The following DIP2B variants were observed in gnomAD, a reference collection of about 807,000 sequenced individuals.
The protein encoded by DIP2B is DIP2 acetate--CoA ligase B (putative).
Under a neutral mutation model 198.0 loss-of-function variants are expected in DIP2B, and 76 were observed. The ratio of observed to expected loss-of-function variants is 0.38; its 90% CI spans 0.32 to 0.46. DIP2B has a LOEUF of 0.46. DIP2B is among the 20% of genes least tolerant of loss of function. DIP2B has a pLI of 0.99. For missense variants in DIP2B, 1,559 were observed against 1,978.4 expected, an observed-to-expected ratio of 0.79 and a Z score of 4.02; for synonymous variants, 701 against 739.1, an observed-to-expected ratio of 0.95 and a Z score of 0.84.
intron 1 of DIP2B, among the ~76,000 whole-genome samples, chr12:50,570,098 T>G (rs1440163203): frequency 6.6e-6 from 1 of 152,222 alleles, no homozygotes; most frequent in African/African-American, 2.4e-5. Flanking sequence ...ATGATTGCTT[T>G]ATCACTTCTG....
chr12:50,733,770 G>A (rs1403360769), intron 32 of DIP2B, among the ~76,000 whole-genome samples: 1 of 152,208 alleles, frequency 6.6e-6, no homozygotes, highest in Non-Finnish European at 1.5e-5. Flanking sequence ...AGCACACATG[G>A]GTGGATTATT....
At chr12:50,647,155 C>T (rs187381718) in intron 3 of DIP2B, among the ~76,000 whole-genome samples, 12 of 152,074 alleles carry the variant, frequency 7.9e-5, no homozygotes, top group Non-Finnish European at 8.8e-5. Flanking sequence ...TGGGCTCAAA[C>T]GATCCTCCCT....
At position 50,704,172 on chromosome 12, in the gene DIP2B, T is replaced by A; in HGVS notation, c.2358T>A (p.Val786=). The change falls in exon 20 of 38, where the codon GTT becomes GTA. Residue 786 remains valine, a synonymous_variant. Coordinates refer to ENST00000301180, the MANE Select transcript of DIP2B (RefSeq NM_173602.3). ...VIPVNSAGSP[V]GDVPFIRSGL... ...CAGTGAATTCTGCAGGCTCTCCTGTTGGGGATGTGCCATTCATCCGATCAG... is the reference window on the plus strand; with the variant it reads ...CAGTGAATTCTGCAGGCTCTCCTGTAGGGGATGTGCCATTCATCCGATCAG... 2 of 1,611,388 alleles carry A rather than the reference T, an allele frequency of 1.2e-6. No homozygotes were observed. Among genetic ancestry groups the A allele is most frequent in the Non-Finnish European group, 1.7e-6 (2 of 1,179,552 alleles).
chr12:50,657,961 T>G (rs138124171), intron 3 of DIP2B, among the ~76,000 whole-genome samples: 1 of 151,930 alleles, frequency 6.6e-6, no homozygotes, highest in Non-Finnish European at 1.5e-5. Flanking sequence ...GATAATAGTT[T>G]GTATCAATGT....
At chr12:50,643,911 G>A (rs1461007845) in intron 3 of DIP2B, among the ~76,000 whole-genome samples, 2 of 152,162 alleles carry the variant, frequency 1.3e-5, no homozygotes, top group Admixed American at 6.5e-5. Flanking sequence ...TGCAAAAATA[G>A]CTGAAGAATT....
chr12:50,718,848 C>T (rs754702287), intron 24 of DIP2B, 30 bp downstream of exon 24: 23 of 1,611,318 alleles, frequency 1.4e-5, no homozygotes, highest in East Asian at 4.5e-5. Context: ...TACCTTCTTA[C>T]AGTCAAGTCA....
At chr12:50,540,143 C>CT (rs1350608158) in intron 1 of DIP2B, among the ~76,000 whole-genome samples, 2 of 119,604 alleles carry the variant, frequency 1.7e-5, no homozygotes, top group East Asian at 5.7e-4. Flanking sequence ...GAGTTTCACT[C>CT]TATCACCCAG....
chr12:50,515,050 G>C (rs1452176618), intron 1 of DIP2B, among the ~76,000 whole-genome samples: 2 of 151,806 alleles, frequency 1.3e-5, no homozygotes, highest in Non-Finnish European at 1.5e-5. Context: ...TCCCTCTCTC[G>C]AGCCTGAAAG....
At chr12:50,583,945 G>A (rs1389138493) in intron 1 of DIP2B, among the ~76,000 whole-genome samples, 1 of 152,114 alleles carries the variant, frequency 6.6e-6, no homozygotes, top group East Asian at 1.9e-4. Context: ...ATCCTTGTTG[G>A]AAGCACCAAG....
At chr12:50,744,456 G>A (rs1218878514) in intron 37 of DIP2B, 131 bp from the exon 38 acceptor site, 1 of 1,227,986 alleles carries the variant, frequency 8.1e-7, no homozygotes, top group African/African-American at 1.5e-5. Flanking sequence ...ATATATGGTA[G>A]ACATGACTGC....
At chr12:50,675,291 G>C in intron 6 of DIP2B, 38 bp from the exon 7 acceptor site, 1 of 1,603,620 alleles carries the variant, frequency 6.2e-7, no homozygotes. Context: ...TATCCTTACA[G>C]TCAATGAATT....
At chr12:50,717,855 T>C (rs1393224584) in intron 23 of DIP2B, among the ~76,000 whole-genome samples, 1 of 151,646 alleles carries the variant, frequency 6.6e-6, no homozygotes, top group African/African-American at 2.4e-5. Context: ...CCTAAAGTGC[T>C]GTGATTACAG....
chr12:50,519,911 TTTTC>T (rs1958100588), intron 1 of DIP2B, among the ~76,000 whole-genome samples: 1 of 151,914 alleles, frequency 6.6e-6, no homozygotes, highest in African/African-American at 2.4e-5. Context: ...TTTTTTTTCT[TTTTC>T]TTTCTAAGAA....
chr12:50,581,726 A>G (rs1385686159), intron 1 of DIP2B, among the ~76,000 whole-genome samples: 1 of 151,626 alleles, frequency 6.6e-6, no homozygotes, highest in Non-Finnish European at 1.5e-5. Flanking sequence ...AGGGATATCC[A>G]CTCAACTCCT....
chr12:50,729,167 T>C (rs1939991500), intron 30 of DIP2B, among the ~76,000 whole-genome samples: 1 of 152,138 alleles, frequency 6.6e-6, no homozygotes, highest in South Asian at 2.1e-4. Context: ...CAGACCTGCA[T>C]TTTCACCTCC....
Position 50,505,001 on chromosome 12 carries a change from T to TGGCGGC in DIP2B, c.-122_-117dup, listed in dbSNP as rs574938327. 0.011 allele frequency: 7,240 copies of TGGCGGC among 651,016 alleles called. 436 individuals carry two copies. Among genetic ancestry groups the TGGCGGC allele is most frequent in the African/African-American group, 0.075 (3,989 of 52,982 alleles). 40.3% of individuals were successfully genotyped at this position (651,016 alleles called of 1,614,324 possible). A position where few individuals can be genotyped will look rare whatever the true frequency, so the allele number is the denominator to read the frequency against. On this transcript the variant is annotated 5_prime_UTR_variant, in exon 1 of 38. Coordinates refer to ENST00000301180, the MANE Select transcript of DIP2B (RefSeq NM_173602.3). ...GTCGCGCTCACGTGACCTTTGCTCATGGCGGCGGCGGCGGCGGCGGCGGTG... is the reference window on the plus strand; with the variant it reads ...GTCGCGCTCACGTGACCTTTGCTCATGGCGGCGGCGGCGGCGGCGGCGGCGGCGGTG...
intron 1 of DIP2B, among the ~76,000 whole-genome samples, chr12:50,555,318 T>A (rs1031254838): frequency 5.3e-5 from 8 of 152,170 alleles, no homozygotes; most frequent in Admixed American, 5.2e-4. Context: ...CCCCTTCCTA[T>A]GTATTTTCAT....
chr12:50,518,699 A>G (rs1958088174), intron 1 of DIP2B, among the ~76,000 whole-genome samples: 1 of 152,134 alleles, frequency 6.6e-6, no homozygotes, highest in Non-Finnish European at 1.5e-5. Context: ...ATTCTCCTGC[A>G]TCTTAACTGG....
chr12:50,725,855 CT>C (rs74550223), intron 28 of DIP2B, among the ~76,000 whole-genome samples: 531 of 139,988 alleles, frequency 3.8e-3, no homozygotes, highest in Middle Eastern at 0.011. Flanking sequence ...CCTCCCTACC[CT>C]TTTTTTTTTT....
Sources: gnomAD v4.1 joint callset for allele counts (sites outside exome capture counted in the v4.1 genomes callset) on GRCh38, gnomAD v4.1.1 for gene constraint, MANE v1.5 for transcripts, NCBI Gene and HGNC (gene_info 2026-07-23, HGNC 2026-07-21) for gene names.